The following ABTB2 variants were observed in gnomAD, a reference collection of about 807,000 sequenced individuals.
The protein encoded by ABTB2 is ankyrin repeat and BTB/POZ domain-containing protein 2.
ABTB2 carries 56 observed loss-of-function variants against 104.1 expected under a neutral mutation model. That is an observed-to-expected ratio of 0.54 (90% CI 0.43 to 0.67). The LOEUF (loss-of-function observed/expected upper bound fraction) is 0.67, where lower values mean the gene tolerates loss of function less well. Ranked by LOEUF, ABTB2 falls within the 30% of genes least tolerant of loss-of-function variation. The probability of loss-of-function intolerance (pLI) is 0.00; values close to 1 mark genes in which losing one functional copy is unlikely to be tolerated. For missense variants in ABTB2, 1,279 were observed against 1,407.7 expected (o/e 0.91, Z 1.46); for synonymous variants, 606 against 608.2 (o/e 1.00, Z 0.05).
In ABTB2 at chr11:34,160,007, A is replaced by C; in HGVS notation, c.2505T>G (p.Asp835Glu). ...TCTCCTTATTGTTCAAAAAGTGTGG[A>C]TCTGTGAAAAGCGGGGAGACAGAGG... The part of the protein sequence containing the change: ...EIRKTLPARL[D>E]PHFLNNKEMS... Residue 835 changes from aspartate (D) to glutamate (E), a missense_variant and splice_region_variant, in exon 13 of 17, where the codon GAT becomes GAG. Coordinates refer to ENST00000435224, the MANE Select transcript of ABTB2 (RefSeq NM_145804.3). 6.2e-7 allele frequency: 1 copy of C among 1,611,964 alleles called. No individual in the cohort carries two copies. Among genetic ancestry groups the C allele is most frequent in the African/African-American group, 1.3e-5 (1 of 74,986 alleles).
chr11:34,336,047 A>G (rs985805576), intron 1 of ABTB2: 36 of 412,488 alleles, frequency 8.7e-5, no homozygotes, highest in African/African-American at 7.3e-4. Flanking sequence ...CCTTTGGTAA[A>G]GTTATTCCAG....
intron 10 of ABTB2, among the ~76,000 whole-genome samples, chr11:34,161,533 G>A (rs1565128078): frequency 6.6e-6 from 1 of 152,118 alleles, no homozygotes; most frequent in South Asian, 2.1e-4. Flanking sequence ...AATATGCCAG[G>A]CACTCAAGGA....
At chr11:34,207,062 A>C (rs1432654811) in intron 1 of ABTB2, among the ~76,000 whole-genome samples, 3 of 152,258 alleles carry the variant, frequency 2.0e-5, no homozygotes, top group Non-Finnish European at 4.4e-5. Context: ...CTGACAGCTG[A>C]GTAACCAAAC....
At chr11:34,167,838 T>C in intron 6 of ABTB2, 65 bp downstream of exon 6, 1 of 1,533,306 alleles carries the variant, frequency 6.5e-7, no homozygotes, top group Non-Finnish European at 9.0e-7. Flanking sequence ...AGCGTGTTTG[T>C]TGGAGCCCTC....
At position 34,277,490 on chromosome 11, in the gene ABTB2, AC is replaced by A. The variant is rs746714705; in HGVS notation, c.884-72801del. On this transcript the variant is annotated intron_variant, in intron 1 of 16. Coordinates refer to ENST00000435224, the MANE Select transcript of ABTB2 (RefSeq NM_145804.3). ...CTAAATGTCTTATTTAAAAAAAAAA[AC>A]AAACAGATTTGGCTGGGTACGGTGG... 1.7e-3 allele frequency among the ~76,000 whole-genome samples: 258 copies of A among 150,982 alleles called. 1 individual carries two copies. Among genetic ancestry groups the A allele is most frequent in the African/African-American group, 4.7e-3 (195 of 41,144 alleles).
chr11:34,227,435 A>G (rs748430512), intron 1 of ABTB2, among the ~76,000 whole-genome samples: 3 of 152,078 alleles, frequency 2.0e-5, no homozygotes, highest in Non-Finnish European at 2.9e-5. Flanking sequence ...ATCCCACAAG[A>G]TGTGGCTTTT....
At chr11:34,278,082 C>T (rs1854406647) in intron 1 of ABTB2, among the ~76,000 whole-genome samples, 2 of 151,754 alleles carry the variant, frequency 1.3e-5, no homozygotes, top group South Asian at 4.2e-4. Context: ...GGATTACAGG[C>T]GTGAGCCACT....
chr11:34,335,050 C>T (rs1855177155), intron 1 of ABTB2: 2 of 703,806 alleles, frequency 2.8e-6, no homozygotes, highest in African/African-American at 3.6e-5. Context: ...TTTAGTCTGA[C>T]AGTGTTTATA....
rs397764001 is a variant in ABTB2, at chr11:34,156,523, CT to C, written c.2698-1755del. Among the ~76,000 whole-genome samples, 840 of 142,246 alleles carry C rather than the reference CT, an allele frequency of 5.9e-3. 5 individuals are homozygous for C. Among genetic ancestry groups the C allele is most frequent in the African/African-American group, 0.011 (423 of 39,040 alleles). 93.3% of individuals were successfully genotyped at this position (142,246 alleles called of 152,430 possible). On this transcript the variant is annotated intron_variant, in intron 14 of 16. Transcript: ENST00000435224. ...GCCCTCTGGGCTATATGCTCAGTAA[CT>C]TTTTTTTTTTTTTTTTGAGACAGAG...
intron 3 of ABTB2, among the ~76,000 whole-genome samples, chr11:34,195,378 C>A: frequency 6.6e-6 from 1 of 152,218 alleles, no homozygotes; most frequent in East Asian, 1.9e-4. Flanking sequence ...TATGCTTTGG[C>A]CCCAGCTCCC....
At chr11:34,166,035 G>T (rs1054150799) in intron 7 of ABTB2, among the ~76,000 whole-genome samples, 1 of 152,342 alleles carries the variant, frequency 6.6e-6, no homozygotes, top group South Asian at 2.1e-4. Context: ...CAGATGAGCC[G>T]GTCCTGGCTC....
chr11:34,161,078 A>T lies in ABTB2; in HGVS notation c.2222T>A (p.Val741Asp). Residue 741 changes from valine (V) to aspartate (D), a missense_variant, in exon 11 of 17, where the codon GTC (valine) becomes GAC (aspartate). Physicochemically the swap from Val to Asp is radical, Grantham distance 152 (BLOSUM62 -3). Coordinates refer to ENST00000435224, the MANE Select transcript of ABTB2 (RefSeq NM_145804.3). ...GATCCAGATGTGCAGCTTCCAGGGG[A>T]CTCCTGGTCCAGGCAGGGAAGGGCA... ...DITMELRALG[V>D]PWKLHIWIES... is the part of the protein sequence containing the mutation. 1 of 1,601,574 alleles carries T rather than the reference A, an allele frequency of 6.2e-7. No individual in the cohort carries two copies. The highest frequency in any genetic ancestry group is 8.5e-7 in the Non-Finnish European group (1 of 1,173,438).
intron 9 of ABTB2, among the ~76,000 whole-genome samples, chr11:34,163,405 C>T (rs1029380208): frequency 9.2e-5 from 14 of 152,202 alleles, no homozygotes; most frequent in East Asian, 1.9e-4. Context: ...CCACAGAGGA[C>T]GCTCCCCCGT....
At chr11:34,194,607 G>C (rs1008301373) in intron 3 of ABTB2, among the ~76,000 whole-genome samples, 2 of 152,122 alleles carry the variant, frequency 1.3e-5, no homozygotes, top group African/African-American at 4.8e-5. Context: ...TAAGCTCAGC[G>C]CTCCCAGGAA....
intron 1 of ABTB2, among the ~76,000 whole-genome samples, chr11:34,231,541 A>C (rs1269981916): frequency 6.6e-6 from 1 of 152,136 alleles, no homozygotes; most frequent in Non-Finnish European, 1.5e-5. Flanking sequence ...CATCAGTGAC[A>C]AGTCATGTTG....
At chr11:34,280,379 G>A (rs964828387) in intron 1 of ABTB2, among the ~76,000 whole-genome samples, 9 of 152,110 alleles carry the variant, frequency 5.9e-5, no homozygotes, top group African/African-American at 2.2e-4. Flanking sequence ...GTAGGTTTGA[G>A]GAGAGAGCAC....
In ABTB2 at chr11:34,197,412, G is replaced by A. The variant is rs140497119; in HGVS notation, c.1157C>T (p.Thr386Met). 239 of 1,610,696 alleles carry A rather than the reference G, an allele frequency of 1.5e-4. No homozygotes were observed. Among genetic ancestry groups the A allele is most frequent in the Admixed American group, 4.7e-4 (28 of 59,800 alleles). ...TGGACACCGCAGAAAGTAGTAGAGCGTGTGGAGGGCGTCGGGGGACCAAGT... is the reference window on the plus strand; with the variant it reads ...TGGACACCGCAGAAAGTAGTAGAGCATGTGGAGGGCGTCGGGGGACCAAGT... The part of the protein sequence containing the change: ...PITWSPDALH[T>M]LYYFLRCPQM... Residue 386 changes from threonine to methionine, a missense_variant, in exon 3 of 17, where the codon ACG becomes ATG. Thr to Met is a moderately conservative substitution (Grantham distance 81). Coordinates refer to ENST00000435224, the MANE Select transcript of ABTB2 (RefSeq NM_145804.3).
At position 34,215,685 on chromosome 11, in the gene ABTB2, C is replaced by T. The variant is rs181417853; in HGVS notation, c.884-10995G>A. 7.9e-5 allele frequency among the ~76,000 whole-genome samples: 12 copies of T among 152,256 alleles called. No individual in the cohort carries two copies. In the East Asian group the frequency reaches 2.1e-3, roughly 27 times the overall value. ...ACAATTTGTTTCTCTGGATAATAGG[C>T]CTAATCATACTTCCTAATTCACAAG... On this transcript the variant is annotated intron_variant, in intron 1 of 16. Coordinates refer to ENST00000435224, the MANE Select transcript of ABTB2 (RefSeq NM_145804.3).
At chr11:34,321,179 T>A (rs1854997130) in intron 1 of ABTB2, among the ~76,000 whole-genome samples, 1 of 152,116 alleles carries the variant, frequency 6.6e-6, no homozygotes, top group Non-Finnish European at 1.5e-5. Context: ...CAAAACTCCA[T>A]CTCAAAAACA....
Sources: allele counts gnomAD v4.1 joint callset (sites outside exome capture counted in the v4.1 genomes callset), GRCh38; gene constraint gnomAD v4.1.1; transcripts MANE v1.5; gene names NCBI Gene and HGNC (gene_info 2026-07-23, HGNC 2026-07-21).